MYO1B: variants seen among roughly 807,000 people sequenced by gnomAD.
The protein encoded by MYO1B is myosin IB.
Under a neutral mutation model 159.7 loss-of-function variants are expected in MYO1B, and 72 were observed. That is an observed-to-expected ratio of 0.45 (90% confidence interval 0.37 to 0.55). The LOEUF is 0.55. Among genes scored for constraint, MYO1B ranks in the 20% least tolerant of loss-of-function variants. MYO1B has a pLI of 0.00. For synonymous variants in MYO1B, 468 were observed against 473.8 expected (o/e 0.99, Z 0.16); for missense variants, 1,062 against 1,364.8 (o/e 0.78, Z 3.50).
intron 3 of MYO1B, among the ~76,000 whole-genome samples, chr2:191,326,770 ATGTGTGTGTGTGTGTGTGTGTGTGTGTG>A (rs35184577): frequency 0.033 from 4,492 of 137,166 alleles, 239 homozygotes; most frequent in African/African-American, 0.11. Context: ...GTTTGTATAT[ATGTGTGTGTGTGTGTGTGTGTGTGTGTG>A]TGTGTGTGTG....
intron 3 of MYO1B, among the ~76,000 whole-genome samples, chr2:191,317,864 C>G (rs1690453368): frequency 6.6e-6 from 1 of 152,158 alleles, no homozygotes; most frequent in East Asian, 1.9e-4. Flanking sequence ...TTATATATGT[C>G]TACTGAAATA....
At chr2:191,300,639 CTTT>C (rs1233709923) in intron 3 of MYO1B, among the ~76,000 whole-genome samples, 2 of 66,912 alleles carry the variant, frequency 3.0e-5, no homozygotes, top group Admixed American at 2.3e-4. Flanking sequence ...TGTGCGCAGC[CTTT>C]TTTTTTTTTT....
In MYO1B at chr2:191,414,795, C is replaced by A. The variant is rs75979636; in HGVS notation, c.3159+126C>A. The A allele has an allele frequency of 5.8e-4, 540 of 934,182 alleles. 4 individuals carry two copies. In the East Asian group the frequency reaches 0.016, roughly 28 times the overall value. 57.9% of individuals were successfully genotyped at this position (934,182 alleles called of 1,614,324 possible). A position where few individuals can be genotyped will look rare whatever the true frequency, so the allele number is the denominator to read the frequency against. ...CTAATTTGCAAATTTTGGATATTCA[C>A]CCCTATGTAAAATCTCCGACTCAGT... On this transcript the variant is annotated intron_variant, in intron 29 of 30. Transcript: ENST00000392318.
chr2:191,358,439 T>C (rs1362327376), intron 7 of MYO1B, among the ~76,000 whole-genome samples: 1 of 152,224 alleles, frequency 6.6e-6, no homozygotes, highest in Non-Finnish European at 1.5e-5. Flanking sequence ...GAAGTACACT[T>C]TGCCAGCATT....
At chr2:191,312,019 T>C (rs1229908345) in intron 3 of MYO1B, among the ~76,000 whole-genome samples, 1 of 152,258 alleles carries the variant, frequency 6.6e-6, no homozygotes, top group Non-Finnish European at 1.5e-5. Context: ...TCATACTTTG[T>C]CTTACAGGCA....
chr2:191,397,128 C>CCTTTTTTT (rs1696139305), intron 21 of MYO1B, among the ~76,000 whole-genome samples: 1 of 32,254 alleles, frequency 3.1e-5, no homozygotes, highest in African/African-American at 6.6e-5. Flanking sequence ...AAGATGATTT[C>CCTTTTTTT]TTTTTTTTTT....
At chr2:191,393,301 AT>A (rs1695873469) in intron 20 of MYO1B, 79 bp downstream of exon 20, 1 of 1,463,018 alleles carries the variant, frequency 6.8e-7, no homozygotes, top group Non-Finnish European at 9.3e-7. Flanking sequence ...CATGTATGTG[AT>A]TTTTACATAC....
At position 191,400,469 on chromosome 2, in the gene MYO1B, G is replaced by C. The variant is rs1398450543; in HGVS notation, c.2382+1G>C. ...TGCTGCATATTGGCATGGGACCCAG[G>C]TAGGCCCGAGACCCCAAGGAAGGCG... On this transcript the variant is annotated splice_donor_variant, in intron 22 of 30. Transcript: ENST00000392318. LOFTEE classifies it high-confidence loss of function. The C allele has an allele frequency of 1.9e-6, 3 of 1,614,154 alleles. No individual in the cohort carries two copies. The highest frequency in any genetic ancestry group is 2.5e-6 in the Non-Finnish European group (3 of 1,180,002).
In MYO1B at chr2:191,416,251, A is replaced by C. The variant is rs1256695614; in HGVS notation, c.3287+9A>C. On this transcript the variant is annotated intron_variant, in intron 30 of 30. Transcript: ENST00000392318. ...ATTGAGATTTCCGATGAGTACGTTCATGTATTGTTTGAAAACCCTTTTTCT... is the reference window on the plus strand; with the variant it reads ...ATTGAGATTTCCGATGAGTACGTTCCTGTATTGTTTGAAAACCCTTTTTCT... 1 of 1,613,928 alleles carries C rather than the reference A, an allele frequency of 6.2e-7. No homozygotes were observed. Among genetic ancestry groups the C allele is most frequent in the African/African-American group, 1.3e-5 (1 of 74,914 alleles).
rs1198861240 is a variant in MYO1B, at chr2:191,416,827, GAGTC to G, written c.3287+588_3287+591del. On this transcript the variant is annotated intron_variant, in intron 30 of 30. Transcript: ENST00000392318. ...AGACTCCGTCTCAGAAAAAAAAAAA[GAGTC>G]AGGGAGGCCTCTTTGATGTGGTGAC... is the stretch of plus-strand genomic sequence containing the variant. 9.2e-5 allele frequency among the ~76,000 whole-genome samples: 14 copies of G among 151,880 alleles called. No individual in the cohort carries two copies. The East Asian group carries it at 2.7e-3, about 30-fold the overall frequency.
chr2:191,326,790 G>A (rs1358001445), intron 3 of MYO1B, among the ~76,000 whole-genome samples: 5 of 141,792 alleles, frequency 3.5e-5, no homozygotes, highest in African/African-American at 1.5e-4. Flanking sequence ...GTGTGTGTGT[G>A]TGTGTGTGTG....
At chr2:191,253,293 G>A (rs541733607) in intron 1 of MYO1B, among the ~76,000 whole-genome samples, 6 of 152,238 alleles carry the variant, frequency 3.9e-5, no homozygotes, top group East Asian at 1.9e-4. Context: ...GGATCATTTC[G>A]TAGATAACAC....
At chr2:191,247,836 G>A (rs751313572) in intron 1 of MYO1B, 9 of 748,618 alleles carry the variant, frequency 1.2e-5, no homozygotes, top group African/African-American at 3.8e-5. Flanking sequence ...GCCTCTGGCC[G>A]TTCTGGTGGA....
At chr2:191,314,820 T>A (rs190962683) in intron 3 of MYO1B, among the ~76,000 whole-genome samples, 183 of 152,188 alleles carry the variant, frequency 1.2e-3, no homozygotes, top group Admixed American at 2.6e-3. Flanking sequence ...GAATATTGGG[T>A]TTTCGCAGGT....
intron 21 of MYO1B, among the ~76,000 whole-genome samples, chr2:191,399,250 A>G (rs1381468426): frequency 6.6e-6 from 1 of 151,598 alleles, no homozygotes; most frequent in Non-Finnish European, 1.5e-5. Context: ...TCAGAGGGAG[A>G]CCGTGGAAGG....
chr2:191,274,803 T>A (rs1448044228), intron 1 of MYO1B, among the ~76,000 whole-genome samples: 1 of 152,154 alleles, frequency 6.6e-6, no homozygotes. Flanking sequence ...CCTCCCACCC[T>A]CATCAGTTTT....
In MYO1B at chr2:191,378,128, A is replaced by T. The variant is rs370097680; in HGVS notation, c.1186-3334A>T. Among the ~76,000 whole-genome samples the T allele has an allele frequency of 2.0e-5, 3 of 152,230 alleles. No homozygotes were observed. The East Asian group carries it at 5.8e-4, about 29-fold the overall frequency. On this transcript the variant is annotated intron_variant, in intron 13 of 30. Coordinates refer to ENST00000392318, the MANE Select transcript of MYO1B (RefSeq NM_001130158.3). ...TTATTGGTTTTTGAAAAGGAGCCTT[A>T]GCACGGTACTACACAGGGATGTGTC... is the stretch of plus-strand genomic sequence containing the variant.
intron 30 of MYO1B, among the ~76,000 whole-genome samples, chr2:191,418,296 G>A (rs1697703176): frequency 2.0e-5 from 3 of 152,034 alleles, no homozygotes; most frequent in African/African-American, 7.2e-5. Context: ...AGCCCTAAGT[G>A]GCTTCGCTAG....
At chr2:191,330,800 C>G (rs934670001) in intron 4 of MYO1B, among the ~76,000 whole-genome samples, 1 of 152,108 alleles carries the variant, frequency 6.6e-6, no homozygotes, top group East Asian at 1.9e-4. Context: ...CTGTAAAATG[C>G]TTTTGTTTTA....
Sources: allele counts gnomAD v4.1 joint callset (sites outside exome capture counted in the v4.1 genomes callset), GRCh38; gene constraint gnomAD v4.1.1; transcripts MANE v1.5; gene names NCBI Gene and HGNC (gene_info 2026-07-23, HGNC 2026-07-21).